USH2A: variants seen among roughly 807,000 people sequenced by gnomAD.
USH2A encodes usherin, also known as Usher syndrome 2A (autosomal recessive, mild).
A neutral mutation model predicts 538.9 loss-of-function variants in USH2A; 443 were observed. The observed-to-expected ratio is 0.82, with a 90% confidence interval of 0.76 to 0.89. USH2A has a LOEUF of 0.89. Ranked by LOEUF, USH2A falls within the 40% of genes least tolerant of loss-of-function variation. The probability of loss-of-function intolerance (pLI) is 0.00; values close to 1 mark genes in which losing one functional copy is unlikely to be tolerated. For missense variants in USH2A, 6,633 were observed against 6,324.8 expected, an observed-to-expected ratio of 1.05 and a Z score of -1.65; for synonymous variants, 2,413 against 2,273.5, an observed-to-expected ratio of 1.06 and a Z score of -1.75.
At chr1:215,891,513 T>C (rs1665210244) in intron 40 of USH2A, among the ~76,000 whole-genome samples, 1 of 152,156 alleles carries the variant, frequency 6.6e-6, no homozygotes, top group South Asian at 2.1e-4. Context: ...CACAATTATG[T>C]AAAACATGAG....
At chr1:215,718,459 T>G (rs1193846595) in intron 61 of USH2A, among the ~76,000 whole-genome samples, 1 of 152,232 alleles carries the variant, frequency 6.6e-6, no homozygotes, top group Admixed American at 6.5e-5. Context: ...GTAATTACTT[T>G]CAAGTTGAAA....
chr1:215,649,947 C>T (rs1354192447), intron 65 of USH2A, among the ~76,000 whole-genome samples: 4 of 152,076 alleles, frequency 2.6e-5, no homozygotes, highest in Non-Finnish European at 4.4e-5. Flanking sequence ...GCATCGCTTC[C>T]GGGAAGTGGC....
At chr1:216,167,810 A>T (rs1478358586) in intron 21 of USH2A, among the ~76,000 whole-genome samples, 1 of 152,134 alleles carries the variant, frequency 6.6e-6, no homozygotes, top group South Asian at 2.1e-4. Flanking sequence ...ATGTCCCCTC[A>T]ATCAAATTCT....
intron 49 of USH2A, among the ~76,000 whole-genome samples, chr1:215,803,388 C>A (rs1054945748): frequency 1.3e-5 from 2 of 152,102 alleles, no homozygotes; most frequent in Admixed American, 1.3e-4. Flanking sequence ...AAAACCCCAT[C>A]ATCTCAGCCC....
chr1:216,193,333 A>G (rs1391431060), intron 19 of USH2A, among the ~76,000 whole-genome samples: 2 of 152,106 alleles, frequency 1.3e-5, no homozygotes, highest in Non-Finnish European at 2.9e-5. Flanking sequence ...ATTCATCATG[A>G]GATAATTGCA....
intron 30 of USH2A, among the ~76,000 whole-genome samples, chr1:216,061,272 T>C (rs2031170616): frequency 6.6e-6 from 1 of 152,250 alleles, no homozygotes; most frequent in Admixed American, 6.5e-5. Context: ...TTTTAATAAT[T>C]TTCTTTGCTT....
chr1:216,044,295 C>T (rs1184162089), intron 32 of USH2A, among the ~76,000 whole-genome samples: 1 of 152,024 alleles, frequency 6.6e-6, no homozygotes, highest in Non-Finnish European at 1.5e-5. Context: ...TTATGATATC[C>T]CATTACATGC....
At chr1:216,013,324 G>A (rs1455484977) in intron 32 of USH2A, among the ~76,000 whole-genome samples, 12 of 150,154 alleles carry the variant, frequency 8.0e-5, no homozygotes, top group South Asian at 2.1e-4. Flanking sequence ...TTCCCACGCC[G>A]CCCCTAATCC....
At chr1:216,296,232 A>G (rs2037102136) in intron 9 of USH2A, among the ~76,000 whole-genome samples, 1 of 152,000 alleles carries the variant, frequency 6.6e-6, no homozygotes, top group East Asian at 1.9e-4. Context: ...AAAATAATTC[A>G]CCCTTTTGGT....
intron 21 of USH2A, among the ~76,000 whole-genome samples, chr1:216,114,764 G>A (rs552379997): frequency 3.3e-5 from 5 of 152,242 alleles, no homozygotes; most frequent in South Asian, 2.1e-4. Context: ...CAACCAACAC[G>A]TCAAATATGA....
chr1:215,782,329 G>T, intron 53 of USH2A, 133 bp from the exon 54 acceptor site: 1 of 948,558 alleles, frequency 1.1e-6, no homozygotes, highest in Non-Finnish European at 1.6e-6. Flanking sequence ...CTATTATATT[G>T]CTGTCTCAAG....
At chr1:215,905,348 T>C (rs1482076620) in intron 38 of USH2A, among the ~76,000 whole-genome samples, 3 of 152,084 alleles carry the variant, frequency 2.0e-5, no homozygotes, top group Non-Finnish European at 2.9e-5. Context: ...TGAAATAAAA[T>C]GCTGCATTAA....
At chr1:215,747,221 G>A (rs189490151) in intron 58 of USH2A, among the ~76,000 whole-genome samples, 2 of 152,286 alleles carry the variant, frequency 1.3e-5, no homozygotes, top group East Asian at 3.9e-4. Context: ...GACATGGGAT[G>A]AAAAGTTGGC....
intron 19 of USH2A, among the ~76,000 whole-genome samples, chr1:216,196,095 T>A (rs9661321): frequency 2.0e-5 from 3 of 152,190 alleles, no homozygotes; most frequent in African/African-American, 7.2e-5. Flanking sequence ...TAAGCTGTGA[T>A]AAATTCAATT....
chr1:215,790,922 G>T (rs1343146887), intron 50 of USH2A, among the ~76,000 whole-genome samples: 1 of 152,092 alleles, frequency 6.6e-6, no homozygotes, highest in Non-Finnish European at 1.5e-5. Flanking sequence ...ACTATTTTTT[G>T]AGCCTCACTC....
In USH2A at chr1:215,647,630, T is replaced by C. The variant is rs1469032409; in HGVS notation, c.14683A>G (p.Ser4895Gly). The C allele has an allele frequency of 2.5e-6, 4 of 1,614,180 alleles. No individual in the cohort carries two copies. The South Asian group carries it at 4.4e-5, about 18-fold the overall frequency. The change falls in exon 67 of 72, where the codon AGC (serine) becomes GGC (glycine). Residue 4895 changes from serine to glycine, a missense_variant. Coordinates refer to ENST00000307340, the MANE Select transcript of USH2A (RefSeq NM_206933.4). ...GTGTAGGGCTGGAGACCCCCAAGGC[T>C]GGCTTTCTGCCCCAGCCCCGTGTAC... ...TKYTGLGQKASLGGLQPYTTY... is the reference protein window; with the variant it reads ...TKYTGLGQKAGLGGLQPYTTY...
chr1:216,313,792 C>A (rs1424510000), intron 9 of USH2A, among the ~76,000 whole-genome samples: 1 of 152,264 alleles, frequency 6.6e-6, no homozygotes, highest in East Asian at 1.9e-4. Flanking sequence ...ACTACAAATA[C>A]AATTCCATAT....
chr1:215,773,299 C>A (rs1009790725), intron 55 of USH2A, among the ~76,000 whole-genome samples: 6 of 152,034 alleles, frequency 3.9e-5, no homozygotes, highest in Non-Finnish European at 7.4e-5. Flanking sequence ...TGGAACCAAT[C>A]AACTGGAAGG....
chr1:216,356,394 A>G (rs1340134477), intron 4 of USH2A, among the ~76,000 whole-genome samples: 1 of 152,088 alleles, frequency 6.6e-6, no homozygotes, highest in African/African-American at 2.4e-5. Flanking sequence ...AATTCTTATT[A>G]TAAAATTATA....
Sources: gnomAD v4.1 joint callset for allele counts (sites outside exome capture counted in the v4.1 genomes callset) on GRCh38, gnomAD v4.1.1 for gene constraint, MANE v1.5 for transcripts, NCBI Gene and HGNC (gene_info 2026-07-23, HGNC 2026-07-21) for gene names.